Variants in CHRM3 observed in about 807,000 individuals in gnomAD.
CHRM3 encodes the protein cholinergic receptor muscarinic 3, also known as muscarinic acetylcholine receptor M3.
Under a neutral mutation model 41.8 loss-of-function variants are expected in CHRM3, and 11 were observed. That is an observed-to-expected ratio of 0.26 (90% CI 0.17 to 0.44). The LOEUF (loss-of-function observed/expected upper bound fraction) is 0.44. CHRM3 is among the 20% of genes least tolerant of loss of function. The probability of loss-of-function intolerance (pLI) is 1.00; values close to 1 mark genes in which losing one functional copy is unlikely to be tolerated. For synonymous variants in CHRM3, 297 were observed against 301.4 expected, an observed-to-expected ratio of 0.99 and a Z score of 0.15; for missense variants, 571 against 745.4, an observed-to-expected ratio of 0.77 and a Z score of 2.72.
intron 6 of CHRM3, among the ~76,000 whole-genome samples, chr1:239,874,749 AGT>A (rs2149341324): frequency 6.6e-6 from 1 of 150,888 alleles, no homozygotes; most frequent in East Asian, 2.0e-4. Context: ...CCCAGGCTGG[AGT>A]GCAATGGCGT....
At chr1:239,822,638 A>G (rs1347755076) in intron 5 of CHRM3, among the ~76,000 whole-genome samples, 1 of 152,236 alleles carries the variant, frequency 6.6e-6, no homozygotes, top group Non-Finnish European at 1.5e-5. Flanking sequence ...AGTTATATTT[A>G]AATAAATTAT....
intron 3 of CHRM3, among the ~76,000 whole-genome samples, chr1:239,586,239 GTTTTTTGT>G (rs1226805115): frequency 6.6e-6 from 1 of 151,846 alleles, no homozygotes; most frequent in Non-Finnish European, 1.5e-5. Context: ...GGTGTTTTTT[GTTTTTTGT>G]TTATTTTTAT....
intron 2 of CHRM3, among the ~76,000 whole-genome samples, chr1:239,534,703 T>C (rs1300399249): frequency 6.6e-6 from 1 of 152,204 alleles, no homozygotes; most frequent in African/African-American, 2.4e-5. Context: ...ATCTGTAAAA[T>C]GAAGCTAATG....
At position 239,843,118 on chromosome 1, in the gene CHRM3, C is replaced by A. The variant is rs939345770; in HGVS notation, c.-20+15740C>A. Among the ~76,000 whole-genome samples the A allele has an allele frequency of 3.9e-5, 6 of 152,122 alleles. No homozygotes were observed. In the South Asian group the frequency reaches 6.2e-4, roughly 16 times the overall value. Reference sequence around the variant, plus strand: ...TTTAGGGCTTTTTACTCTTTACTATCCAGGTAATATAAATTTACTTCGCTC... The same window carrying A: ...TTTAGGGCTTTTTACTCTTTACTATACAGGTAATATAAATTTACTTCGCTC... On this transcript the variant is annotated intron_variant, in intron 6 of 6. Coordinates refer to ENST00000676153, the MANE Select transcript of CHRM3 (RefSeq NM_001375978.1).
intron 6 of CHRM3, among the ~76,000 whole-genome samples, chr1:239,870,701 A>G (rs1676501407): frequency 6.6e-6 from 1 of 152,202 alleles, no homozygotes; most frequent in Admixed American, 6.5e-5. Context: ...TTCATGGAAT[A>G]GCTGAGGCTC....
At chr1:239,640,899 A>G (rs1170276953) in intron 4 of CHRM3, among the ~76,000 whole-genome samples, 2 of 148,754 alleles carry the variant, frequency 1.3e-5, no homozygotes, top group Non-Finnish European at 3.0e-5. Flanking sequence ...TCTTGTGGGC[A>G]TTTAGTGCTA....
At chr1:239,649,278 C>A (rs934044929) in intron 4 of CHRM3, among the ~76,000 whole-genome samples, 1 of 152,090 alleles carries the variant, frequency 6.6e-6, no homozygotes, top group African/African-American at 2.4e-5. Flanking sequence ...TGAAAGGCAC[C>A]ATCTATGAAG....
intron 3 of CHRM3, among the ~76,000 whole-genome samples, chr1:239,622,711 A>G (rs193256284): frequency 6.6e-6 from 1 of 152,296 alleles, no homozygotes; most frequent in Non-Finnish European, 1.5e-5. Flanking sequence ...TTGAGATGGA[A>G]TTAACTCTTG....
intron 3 of CHRM3, among the ~76,000 whole-genome samples, chr1:239,553,691 A>G (rs990217204): frequency 6.6e-6 from 1 of 152,144 alleles, no homozygotes; most frequent in Non-Finnish European, 1.5e-5. Flanking sequence ...TTTCACATGA[A>G]CTATCTCTTT....
At chr1:239,896,896 A>C (rs967861248) in intron 6 of CHRM3, among the ~76,000 whole-genome samples, 1 of 152,234 alleles carries the variant, frequency 6.6e-6, no homozygotes. Context: ...AGCTCTTGTT[A>C]GGCATGAAAA....
intron 5 of CHRM3, among the ~76,000 whole-genome samples, chr1:239,709,004 C>T (rs986825859): frequency 2.6e-5 from 4 of 151,648 alleles, no homozygotes; most frequent in Non-Finnish European, 2.9e-5. Flanking sequence ...TCTTCCACCC[C>T]CTCCCCAGTT....
chr1:239,842,133 A>G (rs1572459967), intron 6 of CHRM3, among the ~76,000 whole-genome samples: 1 of 152,036 alleles, frequency 6.6e-6, no homozygotes, highest in South Asian at 2.1e-4. Flanking sequence ...AATGCATGTC[A>G]TCTATCAAGT....
intron 6 of CHRM3, among the ~76,000 whole-genome samples, chr1:239,848,358 A>G (rs1674440280): frequency 6.6e-6 from 1 of 152,172 alleles, no homozygotes; most frequent in Non-Finnish European, 1.5e-5. Context: ...GTTCTAACCC[A>G]CAACAAATTA....
intron 5 of CHRM3, among the ~76,000 whole-genome samples, chr1:239,716,870 T>C (rs1374715468): frequency 6.6e-6 from 1 of 152,084 alleles, no homozygotes; most frequent in Non-Finnish European, 1.5e-5. Context: ...TGTATGTGTA[T>C]TTGGTTGTTT....
At chr1:239,490,676 C>T (rs914972219) in intron 1 of CHRM3, among the ~76,000 whole-genome samples, 5 of 152,102 alleles carry the variant, frequency 3.3e-5, no homozygotes, top group Admixed American at 2.6e-4. Flanking sequence ...ATCCTTTGGC[C>T]TCAGCTACCT....
chr1:239,678,663 C>T (rs1658241582), intron 5 of CHRM3, among the ~76,000 whole-genome samples: 1 of 152,226 alleles, frequency 6.6e-6, no homozygotes, highest in Non-Finnish European at 1.5e-5. Context: ...AAAATTCTTA[C>T]AGAAAAACAT....
intron 5 of CHRM3, among the ~76,000 whole-genome samples, chr1:239,812,125 C>T (rs1671167527): frequency 6.6e-6 from 1 of 152,192 alleles, no homozygotes; most frequent in Admixed American, 6.5e-5. Context: ...TTACACCCTC[C>T]TCCTCCCGGG....
At chr1:239,832,252 C>G (rs559691094) in intron 6 of CHRM3, among the ~76,000 whole-genome samples, 1 of 152,122 alleles carries the variant, frequency 6.6e-6, no homozygotes, top group Admixed American at 6.5e-5. Context: ...TTTTGTTCTT[C>G]CTTTATAATT....
intron 1 of CHRM3, among the ~76,000 whole-genome samples, chr1:239,445,371 G>A (rs1263166835): frequency 6.6e-6 from 1 of 152,172 alleles, no homozygotes; most frequent in Non-Finnish European, 1.5e-5. Context: ...AGAGTGATCA[G>A]CCGTGTGGCA....
Sources: allele counts gnomAD v4.1 joint callset (sites outside exome capture counted in the v4.1 genomes callset), GRCh38; gene constraint gnomAD v4.1.1; transcripts MANE v1.5; gene names NCBI Gene and HGNC (gene_info 2026-07-23, HGNC 2026-07-21).